Variants in BSN observed in about 807,000 individuals in gnomAD.
BSN encodes bassoon presynaptic cytomatrix protein, also known as protein bassoon.
Under a neutral mutation model 264.8 loss-of-function variants are expected in BSN, and 57 were observed. That is an observed-to-expected ratio of 0.22 (90% CI 0.17 to 0.27). The LOEUF (loss-of-function observed/expected upper bound fraction) is 0.27. Ranked by LOEUF, BSN falls within the 10% of genes least tolerant of loss-of-function variation. The probability of loss-of-function intolerance (pLI) is 1.00; values close to 1 mark genes in which losing one functional copy is unlikely to be tolerated. For synonymous variants in BSN, 2,059 were observed against 2,137.3 expected, an observed-to-expected ratio of 0.96 and a Z score of 1.01; for missense variants, 4,615 against 5,232.5, an observed-to-expected ratio of 0.88 and a Z score of 3.64.
rs778725801 is a variant in BSN, at chr3:49,652,243, G to A, written c.2687G>A (p.Arg896His). Reference protein sequence around the residue: ...SQEPAALPKRRLPHNATTGYE... With the variant: ...SQEPAALPKRHLPHNATTGYE... ...GAACCAGCAGCACTGCCCAAGAGGCGCCTGCCCCACAATGCCACCACGGGC... is the reference window on the plus strand; with the variant it reads ...GAACCAGCAGCACTGCCCAAGAGGCACCTGCCCCACAATGCCACCACGGGC... The change falls in exon 5 of 12, where the codon CGC becomes CAC. Residue 896 changes from arginine to histidine, a missense_variant. By Grantham distance (29) the Arg-to-His change is conservative. This residue lies in a region of BSN where 1,197 missense variants were observed against 1,348.0 expected (regional missense o/e 0.89). Transcript: ENST00000296452. The A allele has an allele frequency of 1.2e-5, 19 of 1,605,924 alleles. No individual in the cohort carries two copies. The highest frequency in any genetic ancestry group is 3.4e-5 in the Admixed American group (2 of 58,984).
At chr3:49,572,220 T>G (rs1196828657) in intron 1 of BSN, among the ~76,000 whole-genome samples, 1 of 152,230 alleles carries the variant, frequency 6.6e-6, no homozygotes, top group Non-Finnish European at 1.5e-5. Flanking sequence ...AAAAACTTTT[T>G]GGGACAAAAA....
At chr3:49,583,954 A>G (rs1312098765) in intron 1 of BSN, among the ~76,000 whole-genome samples, 3 of 152,144 alleles carry the variant, frequency 2.0e-5, no homozygotes. Flanking sequence ...GCTCACTGCA[A>G]GCTCTGCCTC....
In BSN at chr3:49,664,437, G is replaced by A; in HGVS notation, c.11623G>A (p.Ala3875Thr). The stretch of plus-strand genomic sequence containing the variant: ...TTTCCTCCTAGGTGTGAAGGCTGGA[G>A]CCAGGCCTGGAGGAACCCCAGGGGC... Reference protein sequence around the residue: ...GPGPAGVKAGARPGGTPGAPA... With the variant: ...GPGPAGVKAGTRPGGTPGAPA... Residue 3875 changes from alanine to threonine, a missense_variant, in exon 9 of 12, where the codon GCC (alanine) becomes ACC (threonine). Physicochemically the swap from Ala to Thr is moderately conservative, Grantham distance 58. Transcript: ENST00000296452. The A allele has an allele frequency of 6.2e-7, 1 of 1,613,754 alleles. No homozygotes were observed. The highest frequency in any genetic ancestry group is 8.5e-7 in the Non-Finnish European group (1 of 1,180,002).
Position 49,661,743 on chromosome 3 carries a change from G to C in BSN, c.9898G>C (p.Gly3300Arg). 1 of 1,613,426 alleles carries C rather than the reference G, an allele frequency of 6.2e-7. No individual in the cohort carries two copies. The highest frequency in any genetic ancestry group is 8.5e-7 in the Non-Finnish European group (1 of 1,180,042). ...ESEEDSYDPR[G>R]KGGHLRSMES... is the part of the protein sequence containing the mutation. ...TGAGGAGGACTCATACGATCCCCGC[G>C]GGAAGGGTGGCCACCTCCGGAGCAT... Residue 3300 changes from glycine to arginine, a missense_variant, in exon 6 of 12, where the codon GGG (glycine) becomes CGG (arginine). Gly to Arg is a moderately radical substitution (Grantham distance 125, BLOSUM62 -2). Around this residue, in one of 3 missense-constraint regions of BSN, gnomAD observed 3,415 missense variants for 3,866.4 expected, o/e 0.88. Coordinates refer to ENST00000296452, the MANE Select transcript of BSN (RefSeq NM_003458.4).
chr3:49,599,582 C>G (rs1335769736), intron 1 of BSN, among the ~76,000 whole-genome samples: 1 of 152,140 alleles, frequency 6.6e-6, no homozygotes, highest in African/African-American at 2.4e-5. Context: ...ACCACAGACT[C>G]TCACTGTTCT....
chr3:49,615,671 G>A (rs772231008), intron 1 of BSN, among the ~76,000 whole-genome samples: 3 of 152,144 alleles, frequency 2.0e-5, no homozygotes, highest in Admixed American at 6.5e-5. Flanking sequence ...CTGTGGCTGC[G>A]TTTTATGGAG....
chr3:49,651,769 A>G lies in BSN; in HGVS notation c.2213A>G (p.Gln738Arg). The G allele has an allele frequency of 1.2e-6, 2 of 1,613,250 alleles. No individual in the cohort carries two copies. The highest frequency in any genetic ancestry group is 2.2e-5 in the South Asian group (2 of 91,052). The change falls in exon 5 of 12, where the codon CAG becomes CGG. Residue 738 changes from glutamine (Q) to arginine (R), a missense_variant. Coordinates refer to ENST00000296452, the MANE Select transcript of BSN (RefSeq NM_003458.4). The surrounding 1 kb of genome is among the most constrained non-coding windows in gnomAD (Gnocchi z 5.4). The part of the protein sequence containing the change: ...GSSMRPLLQA[Q>R]GLAPSERSKP... ...AGCATGCGGCCTTTGCTGCAGGCCCAGGGCCTGGCCCCAAGTGAGCGGAGC... is the reference window on the plus strand; with the variant it reads ...AGCATGCGGCCTTTGCTGCAGGCCCGGGGCCTGGCCCCAAGTGAGCGGAGC...
At chr3:49,614,991 T>C (rs1263866067) in intron 1 of BSN, among the ~76,000 whole-genome samples, 2 of 152,198 alleles carry the variant, frequency 1.3e-5, no homozygotes, top group Non-Finnish European at 2.9e-5. Flanking sequence ...TGCTGGCAGC[T>C]TCTTCTAGCC....
intron 1 of BSN, among the ~76,000 whole-genome samples, chr3:49,605,296 A>G (rs1176605017): frequency 9.9e-6 from 1 of 101,448 alleles, no homozygotes; most frequent in Non-Finnish European, 1.8e-5. Flanking sequence ...TATATATTTT[A>G]TATATTATAT....
At chr3:49,623,304 C>T (rs948977244) in intron 1 of BSN, among the ~76,000 whole-genome samples, 2 of 152,214 alleles carry the variant, frequency 1.3e-5, no homozygotes, top group African/African-American at 4.8e-5. Flanking sequence ...GCCCTGTTTC[C>T]TGAGTGCCAG....
chr3:49,601,606 C>A (rs1473330242), intron 1 of BSN, among the ~76,000 whole-genome samples: 7 of 152,080 alleles, frequency 4.6e-5, no homozygotes, highest in Non-Finnish European at 1.0e-4. Flanking sequence ...GGTGGGAGGA[C>A]CAGGAGCTGA....
intron 1 of BSN, among the ~76,000 whole-genome samples, chr3:49,573,057 G>A (rs1031171631): frequency 1.3e-5 from 2 of 152,224 alleles, no homozygotes; most frequent in African/African-American, 2.4e-5. Context: ...TGGATGTAGC[G>A]GTGAGCAAAG....
At chr3:49,582,845 A>T (rs1462785660) in intron 1 of BSN, among the ~76,000 whole-genome samples, 1 of 152,162 alleles carries the variant, frequency 6.6e-6, no homozygotes, top group Non-Finnish European at 1.5e-5. Context: ...AAGTCTTTTG[A>T]ATCATGAAAG....
At chr3:49,577,214 AG>A (rs2051851731) in intron 1 of BSN, among the ~76,000 whole-genome samples, 1 of 152,198 alleles carries the variant, frequency 6.6e-6, no homozygotes, top group Non-Finnish European at 1.5e-5. Flanking sequence ...ATGGCTTGTG[AG>A]AGGCTTCTGC....
At position 49,641,979 on chromosome 3, in the gene BSN, G is replaced by A. The variant is rs146349291; in HGVS notation, c.634-289G>A. Among the ~76,000 whole-genome samples, 768 of 152,098 alleles carry A rather than the reference G, an allele frequency of 5.0e-3. 9 individuals are homozygous for A. The highest frequency in any genetic ancestry group is 0.017 in the African/African-American group (695 of 41,450). ...ATCTGAGGCACTGCCAGGGGGTGGC[G>A]GGGAGGACTCTCAAGCAGGAGGGTC... On this transcript the variant is annotated intron_variant, in intron 2 of 11. Coordinates refer to ENST00000296452, the MANE Select transcript of BSN (RefSeq NM_003458.4).
Position 49,656,300 on chromosome 3 carries a change from C to T in BSN, c.6744C>T (p.Ala2248=). The T allele has an allele frequency of 6.2e-7, 1 of 1,613,192 alleles. No individual in the cohort carries two copies. The highest frequency in any genetic ancestry group is 8.5e-7 in the Non-Finnish European group (1 of 1,179,916). The stretch of plus-strand genomic sequence containing the variant: ...GTCTGACACGTGTGCCCATGATTGC[C>T]CCCCGGGTACCTCTTGGACCCACAG... The part of the protein sequence containing the change: ...LTSLTRVPMI[A]PRVPLGPTGL... The change falls in exon 5 of 12, where the codon GCC becomes GCT. Residue 2248 remains alanine, a synonymous_variant. Transcript: ENST00000296452.
rs373996157 is a variant in BSN at position 49,639,208 on chromosome 3, T to C, written c.634-3060T>C. Reference sequence around the variant, plus strand: ...TTCTTTCTTTCTTTTTCTTTTTTTTTTTTTTTTTGAGACAGAGTCTCGCTC... The same window carrying C: ...TTCTTTCTTTCTTTTTCTTTTTTTTCTTTTTTTTGAGACAGAGTCTCGCTC... On this transcript the variant is annotated intron_variant, in intron 2 of 11. Transcript: ENST00000296452. Among the ~76,000 whole-genome samples, 29 of 150,194 alleles carry C rather than the reference T, an allele frequency of 1.9e-4. No individual in the cohort carries two copies. The East Asian group carries it at 4.6e-3, about 24-fold the overall frequency.
rs2052680148 is a variant in BSN, at chr3:49,663,244, C to G, written c.11086C>G (p.Gln3696Glu). 1.9e-6 allele frequency: 3 copies of G among 1,614,038 alleles called. No homozygotes were observed. The highest frequency in any genetic ancestry group is 2.5e-6 in the Non-Finnish European group (3 of 1,180,032). The change falls in exon 7 of 12, where the codon CAG becomes GAG. Residue 3696 changes from glutamine to glutamate, a missense_variant. By Grantham distance (29) the Gln-to-Glu change is conservative. Transcript: ENST00000296452. ...SSAPAMPKKG[Q>E]PGYPSSAEYS... is the part of the protein sequence containing the mutation. ...TGCTCCAGCTATGCCGAAGAAGGGTCAGCCTGGGTATCCCAGCTCTGCTGA... is the reference window on the plus strand; with the variant it reads ...TGCTCCAGCTATGCCGAAGAAGGGTGAGCCTGGGTATCCCAGCTCTGCTGA...
chr3:49,665,654 T>C (rs549033360), intron 11 of BSN, among the ~76,000 whole-genome samples: 9 of 152,372 alleles, frequency 5.9e-5, no homozygotes, highest in Admixed American at 2.6e-4. Context: ...GCTTCTTCCC[T>C]GATGTCTGCT....
Sources: gnomAD v4.1 joint callset for allele counts (sites outside exome capture counted in the v4.1 genomes callset) on GRCh38, gnomAD v4.1.1 for gene constraint, gnomAD v4.1.1 regional missense constraint, Gnocchi (gnomAD v3.1) non-coding constraint, MANE v1.5 for transcripts, NCBI Gene and HGNC (gene_info 2026-07-23, HGNC 2026-07-21) for gene names.